CHST9: variants seen among roughly 807,000 people sequenced by gnomAD.
CHST9 encodes GalNAc-4-sulfotransferase 2.
A neutral mutation model predicts 44.4 loss-of-function variants in CHST9; 41 were observed. The ratio of observed to expected loss-of-function variants is 0.92; its 90% confidence interval spans 0.72 to 1.20. The LOEUF is 1.20. Ranked by LOEUF, CHST9 falls within the 50% of genes most tolerant of loss-of-function variation. The pLI is 0.00. For missense variants in CHST9, 504 were observed against 516.5 expected (o/e 0.98, Z 0.23); for synonymous variants, 171 against 178.4 (o/e 0.96, Z 0.33).
At chr18:27,182,693 T>C (rs1477692541) in intron 1 of CHST9, among the ~76,000 whole-genome samples, 1 of 152,230 alleles carries the variant, frequency 6.6e-6, no homozygotes, top group Non-Finnish European at 1.5e-5. Context: ...TCTCAAATCT[T>C]GCTTTATTGA....
intron 1 of CHST9, among the ~76,000 whole-genome samples, chr18:27,149,795 T>G (rs755595314): frequency 1.4e-4 from 21 of 152,114 alleles, no homozygotes; most frequent in Non-Finnish European, 2.4e-4. Context: ...TATCTATATC[T>G]TAGTGTTTAT....
intron 2 of CHST9, among the ~76,000 whole-genome samples, chr18:27,141,554 G>A (rs1249064206): frequency 7.9e-6 from 1 of 126,386 alleles, no homozygotes; most frequent in Non-Finnish European, 1.5e-5. Context: ...TCATGCTATC[G>A]CTCTCCAGCC....
intron 2 of CHST9, among the ~76,000 whole-genome samples, chr18:27,123,831 T>C (rs183492802): frequency 2.0e-5 from 3 of 152,312 alleles, no homozygotes; most frequent in African/African-American, 7.2e-5. Context: ...GGGACCTCCA[T>C]CTTATACTGG....
At chr18:27,073,031 G>A (rs9947897) in intron 2 of CHST9, among the ~76,000 whole-genome samples, 45,157 of 151,940 alleles carry the variant, frequency 0.3, 6,846 homozygotes, top group South Asian at 0.43. Flanking sequence ...TTTGAGAAGC[G>A]TTGGGCTAAA....
intron 2 of CHST9, among the ~76,000 whole-genome samples, chr18:27,112,859 T>C (rs2058284862): frequency 6.6e-6 from 1 of 152,122 alleles, no homozygotes; most frequent in Admixed American, 6.5e-5. Context: ...AGAATATGAC[T>C]TATCTTCTTT....
chr18:27,163,309 A>G (rs1022908607), intron 1 of CHST9, among the ~76,000 whole-genome samples: 1 of 152,172 alleles, frequency 6.6e-6, no homozygotes, highest in Non-Finnish European at 1.5e-5. Context: ...CTCCAGCTGC[A>G]TGCTAGGAGA....
At chr18:27,052,406 A>G (rs1357583320) in intron 2 of CHST9, among the ~76,000 whole-genome samples, 1 of 152,104 alleles carries the variant, frequency 6.6e-6, no homozygotes, top group African/African-American at 2.4e-5. Flanking sequence ...ACATGGTAGG[A>G]CAGTACTATA....
chr18:27,001,482 G>A (rs1270238386), intron 4 of CHST9, among the ~76,000 whole-genome samples: 1 of 152,116 alleles, frequency 6.6e-6, no homozygotes, highest in Non-Finnish European at 1.5e-5. Flanking sequence ...TTTACTTTTA[G>A]ACTCTTAAGA....
intron 4 of CHST9, among the ~76,000 whole-genome samples, chr18:26,978,562 G>A (rs397497): frequency 1.3e-5 from 2 of 152,134 alleles, no homozygotes; most frequent in Admixed American, 6.5e-5. Context: ...TGTTAGCGAA[G>A]ACAGAAGTGT....
intron 2 of CHST9, among the ~76,000 whole-genome samples, chr18:27,080,704 A>C (rs2057952005): frequency 6.6e-6 from 1 of 152,180 alleles, no homozygotes; most frequent in Non-Finnish European, 1.5e-5. Context: ...ACTAGGGGCA[A>C]GTAGGTCTTT....
chr18:27,030,426 G>A (rs2057327756), intron 3 of CHST9, among the ~76,000 whole-genome samples: 1 of 152,212 alleles, frequency 6.6e-6, no homozygotes, highest in African/African-American at 2.4e-5. Context: ...GAGTAAACAA[G>A]TAAAGAGTAT....
Position 26,916,447 on chromosome 18 carries a change from G to T in CHST9, c.1144C>A (p.Gln382Lys). Residue 382 changes from glutamine (Q) to lysine (K), a missense_variant, in exon 6 of 6, where the codon CAG becomes AAG. Coordinates refer to ENST00000618847, the MANE Select transcript of CHST9 (RefSeq NM_031422.6). ...TLEEDANYFL[Q>K]MIGAPKELKF... ...AGCTCCTTTGGAGCACCGATCATCT[G>T]TAAAAAGTAATTGGCATCTTCTTCC... The T allele has an allele frequency of 6.2e-7, 1 of 1,613,714 alleles. No individual in the cohort carries two copies. Among genetic ancestry groups the T allele is most frequent in the South Asian group, 1.1e-5 (1 of 91,066 alleles).
intron 4 of CHST9, among the ~76,000 whole-genome samples, chr18:26,989,872 C>T (rs1178875918): frequency 6.6e-6 from 1 of 152,116 alleles, no homozygotes; most frequent in Non-Finnish European, 1.5e-5. Flanking sequence ...ATGGCTTGAA[C>T]CTGGGAGGCA....
chr18:27,155,444 G>T (rs1163492278), intron 1 of CHST9, among the ~76,000 whole-genome samples: 1 of 152,084 alleles, frequency 6.6e-6, no homozygotes, highest in Non-Finnish European at 1.5e-5. Context: ...TATGATTAAG[G>T]CCCTGTGCTA....
At chr18:26,998,739 C>CAAAAAAAAAAAAAAAAA (rs11480705) in intron 4 of CHST9, among the ~76,000 whole-genome samples, 1 of 114,064 alleles carries the variant, frequency 8.8e-6, no homozygotes, top group South Asian at 3.2e-4. Context: ...ACAACAACAA[C>CAAAAAAAAAAAAAAAAA]AAAAAAAAAA....
chr18:27,170,968 G>C (rs1440893821), intron 1 of CHST9, among the ~76,000 whole-genome samples: 1 of 152,194 alleles, frequency 6.6e-6, no homozygotes, highest in East Asian at 1.9e-4. Context: ...GGGACATCAG[G>C]CTGGAGAAAA....
At chr18:27,102,038 C>T (rs933824313) in intron 2 of CHST9, among the ~76,000 whole-genome samples, 3 of 152,196 alleles carry the variant, frequency 2.0e-5, no homozygotes, top group Admixed American at 2.0e-4. Flanking sequence ...TGGGCTTCTG[C>T]ATCATTCCCA....
chr18:26,988,680 A>G (rs1423823053), intron 4 of CHST9, among the ~76,000 whole-genome samples: 1 of 152,198 alleles, frequency 6.6e-6, no homozygotes, highest in African/African-American at 2.4e-5. Flanking sequence ...GAAAAACATC[A>G]TTAATCAAAC....
At chr18:27,105,831 T>C (rs1232775175) in intron 2 of CHST9, among the ~76,000 whole-genome samples, 1 of 152,108 alleles carries the variant, frequency 6.6e-6, no homozygotes, top group African/African-American at 2.4e-5. Flanking sequence ...TTTTTAAAAT[T>C]TAAGGTGATA....
Sources: allele counts gnomAD v4.1 joint callset (sites outside exome capture counted in the v4.1 genomes callset), GRCh38; gene constraint gnomAD v4.1.1; transcripts MANE v1.5; gene names NCBI Gene and HGNC (gene_info 2026-07-23, HGNC 2026-07-21).